Variants in C1QTNF8 observed in about 807,000 individuals in gnomAD.
C1QTNF8 encodes C1q and TNF related 8, also known as complement C1q tumor necrosis factor-related protein 8.
In C1QTNF8, 27 loss-of-function variants were observed where a neutral mutation model predicts 19.2. The ratio of observed to expected loss-of-function variants is 1.41; its 90% CI spans 1.04 to 1.94. The LOEUF is 1.94. Ranked by LOEUF, C1QTNF8 falls within the 30% of genes most tolerant of loss-of-function variation. The probability of loss-of-function intolerance (pLI) is 0.00; values close to 1 mark genes in which losing one functional copy is unlikely to be tolerated. For missense variants in C1QTNF8, 484 were observed against 374.4 expected, an observed-to-expected ratio of 1.29 and a Z score of -2.42; for synonymous variants, 208 against 172.8, an observed-to-expected ratio of 1.20 and a Z score of -1.60.
rs866644654 is a variant in C1QTNF8, at chr16:1,093,524, C to T, written c.736G>A (p.Val246Ile). The T allele has an allele frequency of 1.3e-6, 2 of 1,549,036 alleles. No homozygotes were observed. The highest frequency in any genetic ancestry group is 1.7e-6 in the Non-Finnish European group (2 of 1,144,338). ...GGCTACAGCTCGGCGGCCGGCTTGA[C>T]CAGGTGGCCGCTGAAGGTGATGTAG... ...DLYITFSGHL[V>I]KPAAEL Residue 246 changes from valine to isoleucine, a missense_variant, in exon 4 of 5, where the codon GTC becomes ATC. Val to Ile is a conservative substitution (Grantham distance 29). Transcript: ENST00000328449.
In C1QTNF8 at chr16:1,093,527, G is replaced by T; in HGVS notation, c.733C>A (p.Leu245Met). 6.4e-7 allele frequency: 1 copy of T among 1,551,716 alleles called. No individual in the cohort carries two copies. Among genetic ancestry groups the T allele is most frequent in the Non-Finnish European group, 8.7e-7 (1 of 1,145,314 alleles). ...GDLYITFSGH[L>M]VKPAAEL ...TACAGCTCGGCGGCCGGCTTGACCA[G>T]GTGGCCGCTGAAGGTGATGTAGAGG... Residue 245 changes from leucine (L) to methionine (M), a missense_variant, in exon 4 of 5, where the codon CTG becomes ATG. Coordinates refer to ENST00000328449, the MANE Select transcript of C1QTNF8 (RefSeq NM_207419.3).
intron 4 of C1QTNF8, 34 bp downstream of exon 4, chr16:1,093,463 C>CGCGA: frequency 6.9e-7 from 1 of 1,451,664 alleles, no homozygotes; most frequent in South Asian, 1.4e-5. Flanking sequence ...CACACGCGCG[C>CGCGA]GCGCGCCCGG....
rs1960475826 is a variant in C1QTNF8, at chr16:1,088,290, C to T, written c.*2309G>A. On this transcript the variant is annotated 3_prime_UTR_variant, in exon 5 of 5. Transcript: ENST00000328449. ...GGATAAAGTTACATGGGATAAGCTG[C>T]CTCCCCAGCCCGATGCTTGCCTGGA... Among the ~76,000 whole-genome samples the T allele has an allele frequency of 6.6e-6, 1 of 152,280 alleles. No individual in the cohort carries two copies. Among genetic ancestry groups the T allele is most frequent in the South Asian group, 2.1e-4 (1 of 4,836 alleles).
chr16:1,092,460 G>A lies in C1QTNF8; in HGVS notation c.*4+1037C>T, dbSNP rs547843964. Among the ~76,000 whole-genome samples the A allele has an allele frequency of 6.3e-5, 9 of 143,684 alleles. No individual in the cohort carries two copies. In the East Asian group the frequency reaches 1.0e-3, roughly 16 times the overall value. The allele number at this position is 143,684 out of a possible 152,430, so 94.3% of individuals were successfully genotyped here. On this transcript the variant is annotated intron_variant, in intron 4 of 4. Transcript: ENST00000328449. ...CAACCAATCACAGCACACAGTCGTCGCTCAACCAATCACAGCACACAGTCG... is the reference window on the plus strand; with the variant it reads ...CAACCAATCACAGCACACAGTCGTCACTCAACCAATCACAGCACACAGTCG...
chr16:1,089,200 C>T lies in C1QTNF8; in HGVS notation c.*1399G>A, dbSNP rs969822349. On this transcript the variant is annotated 3_prime_UTR_variant, in exon 5 of 5. Transcript: ENST00000328449. ...ATGTCCTCCCTGGCCCTGGGGTGGTCCGGACCCCTGGCTCCCATCTCCCAT... is the reference window on the plus strand; with the variant it reads ...ATGTCCTCCCTGGCCCTGGGGTGGTTCGGACCCCTGGCTCCCATCTCCCAT... 2.0e-5 allele frequency among the ~76,000 whole-genome samples: 3 copies of T among 152,096 alleles called. No homozygotes were observed. Among genetic ancestry groups the T allele is most frequent in the African/African-American group, 7.2e-5 (3 of 41,402 alleles).
Position 1,088,657 on chromosome 16 carries a change from G to A in C1QTNF8, c.*1942C>T, listed in dbSNP as rs969374442. ...AAACCTGGAAGGTTGGCGGGATGCA[G>A]GTCCTGCTGTCTGAGGCTCTCACAG... On this transcript the variant is annotated 3_prime_UTR_variant, in exon 5 of 5. Coordinates refer to ENST00000328449, the MANE Select transcript of C1QTNF8 (RefSeq NM_207419.3). Among the ~76,000 whole-genome samples the A allele has an allele frequency of 2.0e-5, 3 of 152,254 alleles. No homozygotes were observed. Among genetic ancestry groups the A allele is most frequent in the South Asian group, 4.1e-4 (2 of 4,820 alleles).
chr16:1,095,042 G>T, intron 2 of C1QTNF8, 109 bp from the exon 3 acceptor site: 1 of 462,148 alleles, frequency 2.2e-6, no homozygotes, highest in Non-Finnish European at 3.6e-6. Context: ...GCCAGTGGAG[G>T]CGGGAGCTTC....
chr16:1,092,697 C>CTGCACACAGTCGGCGCTCAACCAATCCG (rs1960577300), intron 4 of C1QTNF8, among the ~76,000 whole-genome samples: 6 of 48,092 alleles, frequency 1.2e-4, no homozygotes, highest in Non-Finnish European at 1.9e-4. Flanking sequence ...CAACCAATCC[C>CTGCACACAGTCGGCGCTCAACCAATCCG]TGCACACAGT....
At chr16:1,091,971 T>A (rs1960554384) in intron 4 of C1QTNF8, among the ~76,000 whole-genome samples, 1 of 152,198 alleles carries the variant, frequency 6.6e-6, no homozygotes, top group Non-Finnish European at 1.5e-5. Flanking sequence ...CAATGTCGAA[T>A]GAATGTCTCC....
At position 1,090,530 on chromosome 16, in the gene C1QTNF8, G is replaced by C. The variant is rs1270984831; in HGVS notation, c.*69C>G. 1 of 152,424 alleles carries C rather than the reference G, an allele frequency of 6.6e-6. No individual in the cohort carries two copies. The highest frequency in any genetic ancestry group is 2.4e-5 in the African/African-American group (1 of 41,458). 9.4% of individuals were successfully genotyped at this position (152,424 alleles called of 1,614,324 possible). On this transcript the variant is annotated 3_prime_UTR_variant, in exon 5 of 5. Coordinates refer to ENST00000328449, the MANE Select transcript of C1QTNF8 (RefSeq NM_207419.3). ...GCACCCTCTGTCCCAGGACAGGAGT[G>C]AGGCGAAGTGGAGAGGCGGGCGCGC...
rs750092683 is a variant in C1QTNF8, at chr16:1,093,856, G to A, written c.404C>T (p.Ala135Val). The A allele has an allele frequency of 7.5e-6, 12 of 1,603,340 alleles. No homozygotes were observed. The Admixed American group carries it at 1.3e-4, about 18-fold the overall frequency. Residue 135 changes from alanine (A) to valine (V), a missense_variant, in exon 4 of 5, where the codon GCG becomes GTG. Transcript: ENST00000328449. ...EGLHSSDHFQAVPFDTELVNL... is the reference protein window; with the variant it reads ...EGLHSSDHFQVVPFDTELVNL... ...CACCAGCTCCGTGTCGAAGGGCACC[G>A]CCTGGAAGTGGTCGGAGCTGTGCAG...
intron 4 of C1QTNF8, 69 bp downstream of exon 4, chr16:1,093,426 CCA>C (rs750454261): frequency 0.013 from 11,742 of 938,536 alleles, 3 homozygotes; most frequent in South Asian, 0.018. Flanking sequence ...ACACCCACCC[CCA>C]CACACACACA....
intron 3 of C1QTNF8, 41 bp downstream of exon 3, chr16:1,094,674 T>TG: frequency 6.4e-7 from 1 of 1,554,544 alleles, no homozygotes; most frequent in Middle Eastern, 1.7e-4. Flanking sequence ...GGCTGTTGGG[T>TG]CCTGGTGGGG....
intron 2 of C1QTNF8, 87 bp from the exon 3 acceptor site, chr16:1,095,020 G>A (rs1479472695): frequency 3.5e-5 from 19 of 540,426 alleles, no homozygotes; most frequent in South Asian, 6.4e-5. Flanking sequence ...CCCTGCCCCC[G>A]TTGGGAATAC....
chr16:1,095,394 A>C (rs894237820), intron 2 of C1QTNF8, among the ~76,000 whole-genome samples: 4 of 152,170 alleles, frequency 2.6e-5, no homozygotes, highest in African/African-American at 9.6e-5. Context: ...GCACCGTCTC[A>C]GCCAGGCCCA....
Position 1,088,266 on chromosome 16 carries a change from G to A in C1QTNF8, c.*2333C>T, listed in dbSNP as rs750410913. ...ATTTTTACTGGAATTCCACTAAACG[G>A]ATAAAGTTACATGGGATAAGCTGCC... is the stretch of plus-strand genomic sequence containing the variant. On this transcript the variant is annotated 3_prime_UTR_variant, in exon 5 of 5. Coordinates refer to ENST00000328449, the MANE Select transcript of C1QTNF8 (RefSeq NM_207419.3). 6.6e-6 allele frequency among the ~76,000 whole-genome samples: 1 copy of A among 152,232 alleles called. No homozygotes were observed. Among genetic ancestry groups the A allele is most frequent in the Non-Finnish European group, 1.5e-5 (1 of 68,042 alleles).
rs767827320 is a variant in C1QTNF8 at position 1,094,037 on chromosome 16, C to T, written c.223G>A (p.Ala75Thr). ...IEILKGEKGE[A>T]GVRGRAGRSG... ...CTGCCGGCCCGACCTCGGACGCCGG[C>T]CTCACCCTTCTCACCTGCAGGGGAC... is the stretch of plus-strand genomic sequence containing the variant. The change falls in exon 4 of 5, where the codon GCC (alanine) becomes ACC (threonine). Residue 75 changes from alanine (A) to threonine (T), a missense_variant. By Grantham distance (58) the Ala-to-Thr change is moderately conservative. Coordinates refer to ENST00000328449, the MANE Select transcript of C1QTNF8 (RefSeq NM_207419.3). 1.4e-6 allele frequency: 2 copies of T among 1,465,836 alleles called. No homozygotes were observed. The highest frequency in any genetic ancestry group is 1.8e-6 in the Non-Finnish European group (2 of 1,126,554). The allele number at this position is 1,465,836 out of a possible 1,614,324, so 90.8% of individuals were successfully genotyped here.
At position 1,093,583 on chromosome 16, in the gene C1QTNF8, C is replaced by G. The variant is rs766757696; in HGVS notation, c.677G>C (p.Arg226Pro). 7 of 1,599,572 alleles carry G rather than the reference C, an allele frequency of 4.4e-6. No individual in the cohort carries two copies. Among genetic ancestry groups the G allele is most frequent in the African/African-American group, 1.3e-5 (1 of 74,516 alleles). ...GTGCTCGCCGTAGATGGCGTTGTCCCGGTCGCGCTGGAACATGCGCACCCA... is the reference window on the plus strand; with the variant it reads ...GTGCTCGCCGTAGATGGCGTTGTCCGGGTCGCGCTGGAACATGCGCACCCA... ...AVWVRMFQRD[R>P]DNAIYGEHGD... Residue 226 changes from arginine (R) to proline (P), a missense_variant, in exon 4 of 5, where the codon CGG becomes CCG. Physicochemically the swap from Arg to Pro is moderately radical, Grantham distance 103 (BLOSUM62 -2). Transcript: ENST00000328449.
chr16:1,093,410 ACACC>A, intron 4 of C1QTNF8, 83 bp downstream of exon 4: 5 of 460,066 alleles, frequency 1.1e-5, no homozygotes, highest in South Asian at 5.3e-5. Context: ...CCACACACAC[ACACC>A]CACACCCACC....
Sources: gnomAD v4.1 joint callset for allele counts (sites outside exome capture counted in the v4.1 genomes callset) on GRCh38, gnomAD v4.1.1 for gene constraint, MANE v1.5 for transcripts, NCBI Gene and HGNC (gene_info 2026-07-23, HGNC 2026-07-21) for gene names.